The following KCNQ5 variants were observed in gnomAD, a reference collection of about 807,000 sequenced individuals.
The protein encoded by KCNQ5 is potassium voltage-gated channel subfamily KQT member 5.
In KCNQ5, 30 loss-of-function variants were observed where a neutral mutation model predicts 98.2. The ratio of observed to expected loss-of-function variants is 0.31; its 90% CI spans 0.23 to 0.41. The LOEUF is 0.41. Ranked by LOEUF, KCNQ5 falls within the 10% of genes least tolerant of loss-of-function variation. KCNQ5 has a pLI of 1.00. For missense variants in KCNQ5, 835 were observed against 1,182.5 expected (o/e 0.71, Z 4.31); for synonymous variants, 458 against 449.4 (o/e 1.02, Z -0.24).
At chr6:73,176,486 G>A (rs901476672) in intron 11 of KCNQ5, among the ~76,000 whole-genome samples, 2 of 152,126 alleles carry the variant, frequency 1.3e-5, no homozygotes, top group African/African-American at 4.8e-5. Context: ...TTCAGTCTCG[G>A]GTATTTCTTT....
In KCNQ5 at chr6:72,899,426, G is replaced by A. The variant is rs574969910; in HGVS notation, c.399-104482G>A. On this transcript the variant is annotated intron_variant, in intron 1 of 13. Transcript: ENST00000370398. ...GTTTACTAATGATAGAATTATGAGA[G>A]TGCGATTATGGGGTCAAACAATATG... 1.2e-4 allele frequency among the ~76,000 whole-genome samples: 19 copies of A among 152,246 alleles called. No homozygotes were observed. The East Asian group carries it at 1.5e-3, about 12-fold the overall frequency.
At chr6:72,771,501 A>G (rs1772876972) in intron 1 of KCNQ5, among the ~76,000 whole-genome samples, 1 of 152,040 alleles carries the variant, frequency 6.6e-6, no homozygotes, top group South Asian at 2.1e-4. Context: ...ATATGAAGTT[A>G]TAGTTCATTG....
intron 1 of KCNQ5, among the ~76,000 whole-genome samples, chr6:72,964,917 G>A (rs760218333): frequency 8.6e-5 from 13 of 150,382 alleles, no homozygotes; most frequent in Non-Finnish European, 1.8e-4. Flanking sequence ...ATTTTCTGCT[G>A]TTTTTCACAT....
At chr6:72,947,063 T>C (rs1766581099) in intron 1 of KCNQ5, among the ~76,000 whole-genome samples, 1 of 152,290 alleles carries the variant, frequency 6.6e-6, no homozygotes, top group Admixed American at 6.5e-5. Flanking sequence ...CTAACATCCA[T>C]ATAGCCTTTG....
At chr6:72,879,158 T>C (rs1478887077) in intron 1 of KCNQ5, among the ~76,000 whole-genome samples, 1 of 152,176 alleles carries the variant, frequency 6.6e-6, no homozygotes, top group Non-Finnish European at 1.5e-5. Context: ...AGGTTATAGG[T>C]TCTGCTCACT....
rs1393914363 is a variant in KCNQ5 at position 73,154,809 on chromosome 6, A to G, written c.1469-14937A>G. Among the ~76,000 whole-genome samples the G allele has an allele frequency of 2.0e-5, 3 of 152,250 alleles. No individual in the cohort carries two copies. The South Asian group carries it at 6.2e-4, about 32-fold the overall frequency. ...GGAAGATTCTATTTAAAATGTTTATAAAAAGTAAACATTATGTGGAAATTT... is the reference window on the plus strand; with the variant it reads ...GGAAGATTCTATTTAAAATGTTTATGAAAAGTAAACATTATGTGGAAATTT... On this transcript the variant is annotated intron_variant, in intron 10 of 13. Coordinates refer to ENST00000370398, the MANE Select transcript of KCNQ5 (RefSeq NM_019842.4).
intron 1 of KCNQ5, among the ~76,000 whole-genome samples, chr6:72,983,264 G>A (rs1768564644): frequency 6.6e-6 from 1 of 152,308 alleles, no homozygotes; most frequent in East Asian, 1.9e-4. Flanking sequence ...CCTGAAGAGT[G>A]TTTTCCAACT....
chr6:72,795,798 T>C (rs1774301088), intron 1 of KCNQ5, among the ~76,000 whole-genome samples: 1 of 152,210 alleles, frequency 6.6e-6, no homozygotes, highest in African/African-American at 2.4e-5. Flanking sequence ...AGCTATGTTA[T>C]CACTTCTAAA....
At chr6:73,124,937 A>AT (rs1491162349) in intron 9 of KCNQ5, among the ~76,000 whole-genome samples, 1 of 42,954 alleles carries the variant, frequency 2.3e-5, no homozygotes, top group Non-Finnish European at 3.6e-5. Flanking sequence ...TTTTGGAGTG[A>AT]TATATATATA....
At chr6:73,173,283 G>T (rs978370002) in intron 11 of KCNQ5, among the ~76,000 whole-genome samples, 2 of 152,172 alleles carry the variant, frequency 1.3e-5, no homozygotes, top group African/African-American at 2.4e-5. Flanking sequence ...TTTAACAAAA[G>T]CCCCATATTT....
chr6:72,961,621 CAAAAAAAA>C (rs56813781), intron 1 of KCNQ5, among the ~76,000 whole-genome samples: 1 of 68,680 alleles, frequency 1.5e-5, no homozygotes, highest in Non-Finnish European at 2.6e-5. Flanking sequence ...GACTCCGTCT[CAAAAAAAA>C]AAAAAAAAAA....
intron 1 of KCNQ5, among the ~76,000 whole-genome samples, chr6:72,760,918 A>G (rs537494275): frequency 6.6e-6 from 1 of 152,276 alleles, no homozygotes; most frequent in East Asian, 1.9e-4. Context: ...TTCTGTAGCT[A>G]GTTTTTAAAT....
chr6:73,139,067 T>C (rs932250460), intron 10 of KCNQ5, among the ~76,000 whole-genome samples: 1 of 152,238 alleles, frequency 6.6e-6, no homozygotes, highest in African/African-American at 2.4e-5. Context: ...GAGTCTTCTT[T>C]TGACTTTTTC....
At chr6:73,055,295 G>A (rs1203321497) in intron 3 of KCNQ5, 2 of 1,404,338 alleles carry the variant, frequency 1.4e-6, no homozygotes, top group Non-Finnish European at 2.0e-6. Flanking sequence ...CTTCTGGACA[G>A]TGCTAGATGC....
chr6:73,186,806 A>T (rs1778585830), intron 11 of KCNQ5, among the ~76,000 whole-genome samples: 1 of 151,842 alleles, frequency 6.6e-6, no homozygotes, highest in Admixed American at 6.6e-5. Flanking sequence ...TCTTTTTTTA[A>T]AATACTTTAA....
chr6:73,104,866 C>T (rs532568258), intron 5 of KCNQ5, among the ~76,000 whole-genome samples: 4 of 152,256 alleles, frequency 2.6e-5, no homozygotes, highest in African/African-American at 7.2e-5. Context: ...TTGCACACAC[C>T]AGACCTTCAG....
intron 1 of KCNQ5, among the ~76,000 whole-genome samples, chr6:72,683,654 A>G (rs898339957): frequency 2.0e-5 from 3 of 151,912 alleles, no homozygotes; most frequent in African/African-American, 7.3e-5. Context: ...GGCGTGAGCT[A>G]CTGCGCCTGG....
chr6:72,983,665 C>G (rs1711886940), intron 1 of KCNQ5, among the ~76,000 whole-genome samples: 1 of 152,200 alleles, frequency 6.6e-6, no homozygotes, highest in African/African-American at 2.4e-5. Flanking sequence ...CTTCTGAAGC[C>G]TACTTCTGCC....
At chr6:72,951,330 G>A (rs530060910) in intron 1 of KCNQ5, among the ~76,000 whole-genome samples, 2 of 152,220 alleles carry the variant, frequency 1.3e-5, no homozygotes, top group African/African-American at 4.8e-5. Flanking sequence ...AGGCTGGAGT[G>A]CAGTGGTGCG....
Sources: gnomAD v4.1 joint callset for allele counts (sites outside exome capture counted in the v4.1 genomes callset) on GRCh38, gnomAD v4.1.1 for gene constraint, MANE v1.5 for transcripts, NCBI Gene and HGNC (gene_info 2026-07-23, HGNC 2026-07-21) for gene names.